Variants in DMBT1 observed in about 807,000 individuals in gnomAD.
DMBT1 encodes the protein deleted in malignant brain tumors 1.
A neutral mutation model predicts 252.9 loss-of-function variants in DMBT1; 198 were observed. The ratio of observed to expected loss-of-function variants is 0.78; its 90% CI spans 0.70 to 0.88. The LOEUF is 0.88. Among genes scored for constraint, DMBT1 ranks in the 40% least tolerant of loss-of-function variants. The pLI, the probability that DMBT1 is intolerant of heterozygous loss-of-function variation, is 0.00. For synonymous variants in DMBT1, 990 were observed against 942.7 expected (o/e 1.05, Z -0.92); for missense variants, 2,432 against 2,404.7 (o/e 1.01, Z -0.24).
In DMBT1 at chr10:122,598,797, A is replaced by T; in HGVS notation, c.2980A>T (p.Arg994Trp). ...AGGATCTGAATCCAGTTTGGCCCTG[A>T]GGCTGGTGAATGGAGGTGACAGGTG... is the stretch of plus-strand genomic sequence containing the variant. ...TVGSESSLAL[R>W]LVNGGDRCQG... Residue 994 changes from arginine (R) to tryptophan (W), a missense_variant, in exon 26 of 56, where the codon AGG (arginine) becomes TGG (tryptophan). This residue lies in a region of DMBT1 where 1,264 missense variants were observed against 1,082.2 expected (regional missense o/e 1.17). Transcript: ENST00000338354. The T allele has an allele frequency of 6.2e-7, 1 of 1,613,366 alleles. No individual in the cohort carries two copies.
chr10:122,630,949 T>C lies in DMBT1; in HGVS notation c.6026-12T>C, dbSNP rs1372025314. 4.4e-6 allele frequency: 7 copies of C among 1,585,408 alleles called. No homozygotes were observed. In the South Asian group the frequency reaches 8.1e-5, roughly 18 times the overall value. On this transcript the variant is annotated splice_polypyrimidine_tract_variant and intron_variant, in intron 48 of 55. Transcript: ENST00000338354. ...GACATGGCCATGATCTCTCAGTTAA[T>C]GTGTCTTTCAGATGCCACCTTGAGG...
chr10:122,640,579 C>T (rs1844344600), intron 55 of DMBT1, 130 bp downstream of exon 55: 1 of 1,001,596 alleles, frequency 1.0e-6, no homozygotes, highest in Admixed American at 2.8e-5. Context: ...AACTGGATCC[C>T]TTTCTACATG....
chr10:122,617,320 A>G (rs1397715581), intron 40 of DMBT1, 60 bp downstream of exon 40: 13 of 1,568,178 alleles, frequency 8.3e-6, no homozygotes, highest in Non-Finnish European at 1.1e-5. Context: ...TTTGTGTTTG[A>G]AACTGATAGG....
chr10:122,630,922 G>A, intron 48 of DMBT1, 39 bp from the exon 49 acceptor site: 2 of 1,554,080 alleles, frequency 1.3e-6, no homozygotes, highest in Non-Finnish European at 1.7e-6. Flanking sequence ...CATTTGTTGT[G>A]GGACATGGCC....
At chr10:122,567,908 C>G (rs1371684922) in intron 2 of DMBT1, among the ~76,000 whole-genome samples, 2 of 152,174 alleles carry the variant, frequency 1.3e-5, no homozygotes, top group South Asian at 2.1e-4. Flanking sequence ...TTTGTACTTT[C>G]TAAAGATAAA....
At chr10:122,628,652 A>C (rs1445370345) in intron 46 of DMBT1, among the ~76,000 whole-genome samples, 3 of 152,036 alleles carry the variant, frequency 2.0e-5, no homozygotes, top group East Asian at 3.8e-4. Flanking sequence ...AAAACAAAAG[A>C]AAAAAAAGAA....
chr10:122,571,972 G>T (rs1382724217), intron 4 of DMBT1, among the ~76,000 whole-genome samples: 3 of 152,228 alleles, frequency 2.0e-5, no homozygotes, highest in Non-Finnish European at 2.9e-5. Flanking sequence ...TTTGTCATTT[G>T]AGGGTGTGTT....
At position 122,579,594 on chromosome 10, in the gene DMBT1, G is replaced by T. The variant is rs772228714; in HGVS notation, c.696G>T (p.Leu232Phe). The T allele has an allele frequency of 1.1e-5, 18 of 1,613,320 alleles. No individual in the cohort carries two copies. Among genetic ancestry groups the T allele is most frequent in the Non-Finnish European group, 1.5e-5 (18 of 1,179,732 alleles). ...CCCCTGTAGGATCTGAATCCAGTTT[G>T]GCCCTGAGGCTGGTGAATGGAGGCG... ...PVPTEGSESS[L>F]ALRLVNGGDR... Residue 232 changes from leucine (L) to phenylalanine (F), a missense_variant, in exon 10 of 56, where the codon TTG becomes TTT. Physicochemically the swap from Leu to Phe is conservative, Grantham distance 22 (BLOSUM62 0). This residue lies in a region of DMBT1 where 1,264 missense variants were observed against 1,082.2 expected (regional missense o/e 1.17). Coordinates refer to ENST00000338354, the MANE Select transcript of DMBT1 (RefSeq NM_001377530.1).
chr10:122,628,529 G>A (rs1178749837), intron 46 of DMBT1, among the ~76,000 whole-genome samples: 1 of 152,114 alleles, frequency 6.6e-6, no homozygotes, highest in African/African-American at 2.4e-5. Flanking sequence ...CCAGCTACTT[G>A]GGAAGCTGGG....
At position 122,586,398 on chromosome 10, in the gene DMBT1, CTT is replaced by C. The variant is rs1379625082; in HGVS notation, c.1783+18_1783+19del. The C allele has an allele frequency of 6.3e-7, 1 of 1,587,726 alleles. No homozygotes were observed. Among genetic ancestry groups the C allele is most frequent in the Non-Finnish European group, 8.6e-7 (1 of 1,165,398 alleles). On this transcript the variant is annotated intron_variant, in intron 16 of 55. Transcript: ENST00000338354. ...CATCTGCTCAGGTGGGCCTCCAAGA[CTT>C]TTGGTTTCCTCTCTTGGGGTAGATT...
intron 51 of DMBT1, 91 bp downstream of exon 51, chr10:122,632,981 A>G: frequency 3.2e-6 from 5 of 1,581,426 alleles, no homozygotes; most frequent in Non-Finnish European, 4.3e-6. Context: ...TGGGGAGGAG[A>G]TGGCTTCCCC....
At position 122,589,282 on chromosome 10, in the gene DMBT1, A is replaced by C. The variant is rs1442819762; in HGVS notation, c.2107+15A>C. 1.3e-6 allele frequency: 2 copies of C among 1,588,080 alleles called. No individual in the cohort carries two copies. Among genetic ancestry groups the C allele is most frequent in the South Asian group, 1.2e-5 (1 of 86,934 alleles). ...CATCTGCTCAGGTGGGCCTCCAGCA[A>C]TTTTGGTTTCCTCTCTTGGGGTAGA... On this transcript the variant is annotated intron_variant, in intron 17 of 55. Coordinates refer to ENST00000338354, the MANE Select transcript of DMBT1 (RefSeq NM_001377530.1).
intron 6 of DMBT1, 77 bp downstream of exon 6, chr10:122,573,839 G>A: frequency 1.3e-6 from 2 of 1,556,308 alleles, no homozygotes; most frequent in South Asian, 1.1e-5. Context: ...TTCAGATGAG[G>A]TGCAGAGGGC....
chr10:122,643,071 A>G (rs975637993), intron 55 of DMBT1, 51 bp from the exon 56 acceptor site: 3 of 1,589,182 alleles, frequency 1.9e-6, no homozygotes, highest in East Asian at 2.2e-5. Context: ...CTGAGTCATG[A>G]AGGAAGAATC....
At chr10:122,589,362 A>G (rs2097826434) in intron 17 of DMBT1, 95 bp downstream of exon 17, 1 of 1,524,034 alleles carries the variant, frequency 6.6e-7, no homozygotes, top group East Asian at 2.4e-5. Flanking sequence ...GAGCTTTTTC[A>G]ACCTTTCCTA....
At chr10:122,585,139 A>C (rs1286637912) in intron 14 of DMBT1, 132 bp from the exon 15 acceptor site, 1 of 1,228,196 alleles carries the variant, frequency 8.1e-7, no homozygotes, top group Non-Finnish European at 1.2e-6. Context: ...TTGGGCAGAC[A>C]CATGGGGAGC....
Position 122,629,910 on chromosome 10 carries a change from A to G in DMBT1, c.5739A>G (p.Ala1913=), listed in dbSNP as rs2133667273. The G allele has an allele frequency of 6.2e-7, 1 of 1,614,042 alleles. No homozygotes were observed. Among genetic ancestry groups the G allele is most frequent in the Non-Finnish European group, 8.5e-7 (1 of 1,179,896 alleles). The change falls in exon 47 of 56, where the codon GCA becomes GCG. Residue 1913 remains alanine, a synonymous_variant. Coordinates refer to ENST00000338354, the MANE Select transcript of DMBT1 (RefSeq NM_001377530.1). ...SGTFSSPSYP[A]YYPNNAKCVW... ...CATTCTCCAGCCCATCCTACCCTGC[A>G]TACTACCCCAACAATGCTAAGTGTG...
intron 3 of DMBT1, 51 bp downstream of exon 3, chr10:122,570,260 C>G (rs41310302): frequency 0.017 from 23,355 of 1,361,686 alleles, 264 homozygotes; most frequent in Non-Finnish European, 0.021. Flanking sequence ...CACTGCACCC[C>G]TAGGTTCATC....
In DMBT1 at chr10:122,637,235, T is replaced by G; in HGVS notation, c.6865T>G (p.Tyr2289Asp). The G allele has an allele frequency of 1.9e-6, 3 of 1,614,036 alleles. No individual in the cohort carries two copies. Among genetic ancestry groups the G allele is most frequent in the Non-Finnish European group, 2.5e-6 (3 of 1,179,904 alleles). ...TGTCATTTCCACCTGGAATGGATAC[T>G]ACGAGTGTCGGCCCCAGATAACGCC... is the stretch of plus-strand genomic sequence containing the variant. ...DLVISTWNGYYECRPQITPNL... is the reference protein window; with the variant it reads ...DLVISTWNGYDECRPQITPNL... Residue 2289 changes from tyrosine (Y) to aspartate (D), a missense_variant, in exon 54 of 56, where the codon TAC (tyrosine) becomes GAC (aspartate). Around this residue, in one of 3 missense-constraint regions of DMBT1, gnomAD observed 1,162 missense variants for 1,169.0 expected, o/e 0.99. Coordinates refer to ENST00000338354, the MANE Select transcript of DMBT1 (RefSeq NM_001377530.1).
Sources: allele counts gnomAD v4.1 joint callset (sites outside exome capture counted in the v4.1 genomes callset), GRCh38; gene constraint gnomAD v4.1.1; regional missense constraint gnomAD v4.1.1; transcripts MANE v1.5; gene names NCBI Gene and HGNC (gene_info 2026-07-23, HGNC 2026-07-21).